The following SCEL variants were observed in gnomAD, a reference collection of about 807,000 sequenced individuals.
SCEL encodes the protein sciellin.
Under a neutral mutation model 117.6 loss-of-function variants are expected in SCEL, and 113 were observed. The ratio of observed to expected loss-of-function variants is 0.96; its 90% confidence interval spans 0.83 to 1.12. The LOEUF is 1.12. SCEL is among the 50% of genes most tolerant of loss of function. The pLI, the probability that SCEL is intolerant of heterozygous loss-of-function variation, is 0.00. For synonymous variants in SCEL, 270 were observed against 256.2 expected, an observed-to-expected ratio of 1.05 and a Z score of -0.51; for missense variants, 785 against 810.8, an observed-to-expected ratio of 0.97 and a Z score of 0.39.
At chr13:77,546,516 G>T (rs2083997404) in intron 1 of SCEL, among the ~76,000 whole-genome samples, 2 of 152,116 alleles carry the variant, frequency 1.3e-5, no homozygotes, top group South Asian at 4.2e-4. Flanking sequence ...CTTGGTAGGG[G>T]CTTAACAAGT....
At position 77,602,811 on chromosome 13, in the gene SCEL, T is replaced by C. The variant is rs2087809966; in HGVS notation, c.1037+98T>C. ...ACATCTTTGTTTGGCTTCTCTCTTC[T>C]GTGTCTAATCCCTGGTGCCCTGATC... is the stretch of plus-strand genomic sequence containing the variant. On this transcript the variant is annotated intron_variant, in intron 17 of 32. Coordinates refer to ENST00000349847, the MANE Select transcript of SCEL (RefSeq NM_144777.3). The C allele has an allele frequency of 2.2e-5, 23 of 1,045,192 alleles. No homozygotes were observed. In the East Asian group the frequency reaches 5.3e-4, roughly 24 times the overall value. The allele number at this position is 1,045,192 out of a possible 1,614,324, so 64.7% of individuals were successfully genotyped here.
At chr13:77,536,566 T>C (rs979930051) in intron 1 of SCEL, among the ~76,000 whole-genome samples, 2 of 152,222 alleles carry the variant, frequency 1.3e-5, no homozygotes, top group African/African-American at 4.8e-5. Flanking sequence ...CATAGCCTAG[T>C]CCTGAAAAAC....
At chr13:77,553,385 G>A (rs2084458028) in intron 1 of SCEL, among the ~76,000 whole-genome samples, 1 of 152,050 alleles carries the variant, frequency 6.6e-6, no homozygotes, top group Non-Finnish European at 1.5e-5. Context: ...TTGACCACCT[G>A]AGAATTCCAG....
intron 30 of SCEL, among the ~76,000 whole-genome samples, chr13:77,637,418 A>G (rs1318480259): frequency 1.4e-5 from 2 of 147,098 alleles, no homozygotes; most frequent in Non-Finnish European, 3.0e-5. Context: ...AAATAAATAT[A>G]TATATATATA....
At chr13:77,602,569 A>G (rs2087784463) in intron 16 of SCEL, 85 bp from the exon 17 acceptor site, 7 of 1,136,594 alleles carry the variant, frequency 6.2e-6, no homozygotes, top group Non-Finnish European at 9.3e-6. Flanking sequence ...ACCTGACACC[A>G]CATTCAGGGA....
chr13:77,550,387 A>AATATATATATATATATATATATATATTAT (rs1567337545), intron 1 of SCEL, among the ~76,000 whole-genome samples: 1 of 144,504 alleles, frequency 6.9e-6, no homozygotes, highest in African/African-American at 2.5e-5. Context: ...CTTTGTCTAA[A>AATATATATATATATATATATATATATTAT]ATATATATAT....
chr13:77,629,616 G>A (rs1398387433), intron 28 of SCEL, among the ~76,000 whole-genome samples: 2 of 152,136 alleles, frequency 1.3e-5, no homozygotes, highest in Admixed American at 6.6e-5. Context: ...GTTCCACTTT[G>A]CCCTCTGAAG....
chr13:77,628,221 T>C (rs1179736236), intron 28 of SCEL, among the ~76,000 whole-genome samples: 2 of 150,324 alleles, frequency 1.3e-5, no homozygotes, highest in Non-Finnish European at 3.0e-5. Flanking sequence ...ACAAGGTGCT[T>C]AATAGCTAAT....
intron 3 of SCEL, among the ~76,000 whole-genome samples, chr13:77,557,561 G>T (rs2084733091): frequency 6.6e-6 from 1 of 152,166 alleles, no homozygotes; most frequent in Non-Finnish European, 1.5e-5. Context: ...TAAGTAACTT[G>T]TCTAATGGCA....
chr13:77,634,616 T>C (rs1022371058), intron 29 of SCEL, among the ~76,000 whole-genome samples, 166 bp downstream of exon 29: 34 of 152,222 alleles, frequency 2.2e-4, no homozygotes, highest in Admixed American at 1.9e-3. Context: ...GTTTCTGATA[T>C]TATGTACTTG....
chr13:77,546,708 C>T (rs2084008961), intron 1 of SCEL, among the ~76,000 whole-genome samples: 1 of 151,576 alleles, frequency 6.6e-6, no homozygotes, highest in Admixed American at 6.6e-5. Context: ...GAAAAGAAAT[C>T]TCTTAAACAA....
chr13:77,605,562 A>C (rs1212874831), intron 19 of SCEL, among the ~76,000 whole-genome samples: 1 of 152,202 alleles, frequency 6.6e-6, no homozygotes, highest in African/African-American at 2.4e-5. Context: ...AGGGATCATA[A>C]GATTCTCATG....
chr13:77,617,727 C>A (rs1198843935), intron 25 of SCEL, 69 bp downstream of exon 25: 6 of 1,463,664 alleles, frequency 4.1e-6, no homozygotes, highest in Non-Finnish European at 4.7e-6. Flanking sequence ...TTACTTCAAG[C>A]AGATTTATAA....
At chr13:77,565,598 C>G (rs1209591152) in intron 5 of SCEL, among the ~76,000 whole-genome samples, 1 of 152,144 alleles carries the variant, frequency 6.6e-6, no homozygotes, top group Non-Finnish European at 1.5e-5. Context: ...TAATACAGAC[C>G]ACTCCAAAAT....
chr13:77,565,077 T>A (rs2085212011), intron 5 of SCEL, among the ~76,000 whole-genome samples: 1 of 152,168 alleles, frequency 6.6e-6, no homozygotes, highest in African/African-American at 2.4e-5. Context: ...AGTGAGATAA[T>A]TGAGACTCAA....
intron 31 of SCEL, 131 bp from the exon 32 acceptor site, chr13:77,642,575 G>C: frequency 1.9e-6 from 1 of 529,602 alleles, no homozygotes; most frequent in Non-Finnish European, 3.3e-6. Flanking sequence ...ACTCCACTGT[G>C]AGTGAAGTAG....
At position 77,634,412 on chromosome 13, in the gene SCEL, G is replaced by C. The variant is rs765354954; in HGVS notation, c.1725G>C (p.Gln575His). 3 of 1,613,418 alleles carry C rather than the reference G, an allele frequency of 1.9e-6. No individual in the cohort carries two copies. The highest frequency in any genetic ancestry group is 1.7e-4 in the Middle Eastern group (1 of 6,056). ...CTGGAGCCAAGCAGGCAGGACCACA[G>C]GATACTGTTGTGTACACAAGGACAT... ...SNTGAKQAGPQDTVVYTRTYV... is the reference protein window; with the variant it reads ...SNTGAKQAGPHDTVVYTRTYV... The change falls in exon 29 of 33, where the codon CAG becomes CAC. Residue 575 changes from glutamine (Q) to histidine (H), a missense_variant. By Grantham distance (24) the Gln-to-His change is conservative. Transcript: ENST00000349847.
At chr13:77,641,475 C>T (rs1465454321) in intron 31 of SCEL, among the ~76,000 whole-genome samples, 1 of 152,122 alleles carries the variant, frequency 6.6e-6, no homozygotes, top group East Asian at 1.9e-4. Context: ...ACCTGAATTA[C>T]CTTGGCCTCA....
At chr13:77,634,776 A>G (rs547416808) in intron 29 of SCEL, among the ~76,000 whole-genome samples, 1 of 152,294 alleles carries the variant, frequency 6.6e-6, no homozygotes, top group Admixed American at 6.5e-5. Flanking sequence ...AACTATTCCT[A>G]TACTAATTTG....
Sources: allele counts gnomAD v4.1 joint callset (sites outside exome capture counted in the v4.1 genomes callset), GRCh38; gene constraint gnomAD v4.1.1; transcripts MANE v1.5; gene names NCBI Gene and HGNC (gene_info 2026-07-23, HGNC 2026-07-21).